The following SS18L1 variants were observed in gnomAD, a reference collection of about 807,000 sequenced individuals.
SS18L1 encodes calcium-responsive transactivator.
Under a neutral mutation model 70.3 loss-of-function variants are expected in SS18L1, and 32 were observed. That is an observed-to-expected ratio of 0.46 (90% confidence interval 0.34 to 0.61). The LOEUF (loss-of-function observed/expected upper bound fraction) is 0.61. SS18L1 is among the 20% of genes least tolerant of loss of function. SS18L1 has a pLI of 0.01. For missense variants in SS18L1, 430 were observed against 542.1 expected (o/e 0.79, Z 2.05); for synonymous variants, 237 against 229.7 (o/e 1.03, Z -0.29).
chr20:62,172,587 G>T, intron 8 of SS18L1, 95 bp from the exon 9 acceptor site: 1 of 1,583,068 alleles, frequency 6.3e-7, no homozygotes, highest in Non-Finnish European at 8.7e-7. Context: ...ATTTGGTTTT[G>T]GGATTCCAAA....
rs578029411 is a variant in SS18L1 at position 62,160,980 on chromosome 20, C to T, written c.232-456C>T. The stretch of plus-strand genomic sequence containing the variant: ...GAGGCGGGTGTGGGGTGGGGGTAGT[C>T]GGGGAAGGGGCACATGCAGCAGGAG... On this transcript the variant is annotated intron_variant, in intron 3 of 10. Transcript: ENST00000331758. Among the ~76,000 whole-genome samples, 6 of 150,656 alleles carry T rather than the reference C, an allele frequency of 4.0e-5. No individual in the cohort carries two copies. The East Asian group carries it at 1.2e-3, about 30-fold the overall frequency.
intron 7 of SS18L1, 74 bp from the exon 8 acceptor site, chr20:62,165,348 G>T (rs934250696): frequency 1.4e-4 from 196 of 1,424,850 alleles, no homozygotes; most frequent in Admixed American, 2.3e-4. Context: ...CCCCAGCCTG[G>T]GTCTCAGTTG....
chr20:62,153,413 A>G (rs993670301), intron 1 of SS18L1, among the ~76,000 whole-genome samples: 3 of 152,060 alleles, frequency 2.0e-5, no homozygotes, highest in African/African-American at 7.2e-5. Context: ...GGCCAAACCA[A>G]GTGGCCACTT....
intron 8 of SS18L1, among the ~76,000 whole-genome samples, chr20:62,166,950 A>G (rs371572352): frequency 6.6e-5 from 10 of 151,782 alleles, no homozygotes; most frequent in Admixed American, 2.0e-4. Flanking sequence ...GAAATAAAAA[A>G]AAGAAATGGC....
chr20:62,169,850 C>T (rs1380273575), intron 8 of SS18L1, among the ~76,000 whole-genome samples: 5 of 107,860 alleles, frequency 4.6e-5, no homozygotes, highest in South Asian at 3.6e-4. Context: ...CTGTCCACAC[C>T]GTCCACACCT....
At chr20:62,172,504 T>G in intron 8 of SS18L1, among the ~76,000 whole-genome samples, 178 bp from the exon 9 acceptor site, 1 of 152,238 alleles carries the variant, frequency 6.6e-6, no homozygotes, top group East Asian at 1.9e-4. Flanking sequence ...GCTTTCCATT[T>G]GTATTTCTAT....
chr20:62,160,422 G>A (rs1053278148), intron 3 of SS18L1, among the ~76,000 whole-genome samples: 1 of 146,222 alleles, frequency 6.8e-6, no homozygotes, highest in African/African-American at 2.7e-5. Context: ...TGGGATGGGG[G>A]CCCTGCGTCT....
In SS18L1 at chr20:62,161,432, G is replaced by A; in HGVS notation, c.232-4G>A. 1 of 1,612,804 alleles carries A rather than the reference G, an allele frequency of 6.2e-7. No homozygotes were observed. Among genetic ancestry groups the A allele is most frequent in the Non-Finnish European group, 8.5e-7 (1 of 1,180,002 alleles). The stretch of plus-strand genomic sequence containing the variant: ...TTTCCCTGAAAACTTCCTGTTGCCT[G>A]CAGCCGCCCACGCAGAACATGAACC... On this transcript the variant is annotated splice_region_variant and splice_polypyrimidine_tract_variant and intron_variant, in intron 3 of 10. Transcript: ENST00000331758. The surrounding 1 kb of genome is among the most constrained non-coding windows in gnomAD (Gnocchi z 4.4).
At chr20:62,147,614 T>C (rs1228589490) in intron 1 of SS18L1, among the ~76,000 whole-genome samples, 1 of 152,184 alleles carries the variant, frequency 6.6e-6, no homozygotes. Flanking sequence ...GGTGTCTGCC[T>C]GTCTGCTGGG....
chr20:62,176,794 C>CA (rs772574686), intron 10 of SS18L1, among the ~76,000 whole-genome samples: 1 of 125,868 alleles, frequency 7.9e-6, no homozygotes, highest in South Asian at 2.4e-4. Context: ...GACTCCATCT[C>CA]AAAAAAAAGA....
rs914489871 is a variant in SS18L1 at position 62,180,430 on chromosome 20, C to T, written c.*1222C>T. ...CAAGTAGCATGGACATTTGATCAAC[C>T]TTTAGTTGGAATAATAATATTCATA... is the stretch of plus-strand genomic sequence containing the variant. On this transcript the variant is annotated 3_prime_UTR_variant, in exon 11 of 11. Transcript: ENST00000331758. 5.4e-6 allele frequency: 1 copy of T among 183,892 alleles called. No homozygotes were observed. Among genetic ancestry groups the T allele is most frequent in the Non-Finnish European group, 1.2e-5 (1 of 86,738 alleles). The allele number at this position is 183,892 out of a possible 1,614,324, so 11.4% of individuals were successfully genotyped here. A position where few individuals can be genotyped will look rare whatever the true frequency, so the allele number is the denominator to read the frequency against.
intron 8 of SS18L1, among the ~76,000 whole-genome samples, chr20:62,167,816 T>C (rs988258305): frequency 1.0e-5 from 1 of 97,388 alleles, no homozygotes; most frequent in Non-Finnish European, 1.9e-5. Context: ...ATGTAGCTAC[T>C]TTTTTTTTTT....
chr20:62,165,592 C>A, intron 8 of SS18L1, 78 bp downstream of exon 8: 2 of 1,353,512 alleles, frequency 1.5e-6, no homozygotes, highest in South Asian at 2.5e-5. Context: ...CCCTTAGGAG[C>A]ACGCGGTGCC....
intron 1 of SS18L1, among the ~76,000 whole-genome samples, chr20:62,145,540 C>T (rs1490934257): frequency 6.6e-6 from 1 of 152,210 alleles, no homozygotes; most frequent in African/African-American, 2.4e-5. Context: ...TTGGCTGCAA[C>T]GTTTATCCCA....
chr20:62,151,149 G>C (rs1379971394), intron 1 of SS18L1, among the ~76,000 whole-genome samples: 1 of 152,092 alleles, frequency 6.6e-6, no homozygotes, highest in Non-Finnish European at 1.5e-5. Flanking sequence ...CCCTCACCCA[G>C]GTTTTTGCCT....
Position 62,161,444 on chromosome 20 carries a change from G to C in SS18L1, c.240G>C (p.Thr80=). The change falls in exon 4 of 11, where the codon ACG becomes ACC. Residue 80 remains threonine (T), a synonymous_variant. Transcript: ENST00000331758. The surrounding 1 kb of genome is among the most constrained non-coding windows in gnomAD (Gnocchi z 4.4). ...CTTCCTGTTGCCTGCAGCCGCCCAC[G>C]CAGAACATGAACCTGGGCCCTGGAG... The part of the protein sequence containing the change: ...NMQSLLPAPP[T]QNMNLGPGAL... The C allele has an allele frequency of 5.6e-6, 9 of 1,612,790 alleles. No homozygotes were observed. The highest frequency in any genetic ancestry group is 7.6e-6 in the Non-Finnish European group (9 of 1,179,998).
intron 1 of SS18L1, among the ~76,000 whole-genome samples, chr20:62,148,001 T>C (rs2057061997): frequency 6.6e-6 from 1 of 152,172 alleles, no homozygotes; most frequent in Admixed American, 6.5e-5. Flanking sequence ...TAGGAGTGTT[T>C]GTAAGGTTAA....
intron 10 of SS18L1, among the ~76,000 whole-genome samples, chr20:62,176,163 G>T (rs73917824): frequency 1.8e-3 from 271 of 152,368 alleles, no homozygotes; most frequent in African/African-American, 6.2e-3. Context: ...TGTGAAATAA[G>T]TGAATGTCCT....
At chr20:62,162,620 C>G in intron 4 of SS18L1, 132 bp from the exon 5 acceptor site, 1 of 921,212 alleles carries the variant, frequency 1.1e-6, no homozygotes, top group Non-Finnish European at 1.6e-6. Flanking sequence ...TTATTAGTCA[C>G]TTAATCATTA....
Sources: gnomAD v4.1 joint callset for allele counts (sites outside exome capture counted in the v4.1 genomes callset) on GRCh38, gnomAD v4.1.1 for gene constraint, Gnocchi (gnomAD v3.1) non-coding constraint, MANE v1.5 for transcripts, NCBI Gene and HGNC (gene_info 2026-07-23, HGNC 2026-07-21) for gene names.